GRID2: variants seen among roughly 807,000 people sequenced by gnomAD.
GRID2 encodes the protein glutamate ionotropic receptor delta type subunit 2.
Under a neutral mutation model 114.8 loss-of-function variants are expected in GRID2, and 33 were observed. That is an observed-to-expected ratio of 0.29 (90% CI 0.22 to 0.38). GRID2 has a LOEUF of 0.38. Among genes scored for constraint, GRID2 ranks in the 10% least tolerant of loss-of-function variants. The pLI is 1.00. For synonymous variants in GRID2, 505 were observed against 449.9 expected (o/e 1.12, Z -1.55); for missense variants, 1,184 against 1,257.7 (o/e 0.94, Z 0.89).
chr4:93,039,973 C>T (rs960657267), intron 2 of GRID2, among the ~76,000 whole-genome samples: 1 of 152,144 alleles, frequency 6.6e-6, no homozygotes, highest in African/African-American at 2.4e-5. Context: ...GCTTCTTTCT[C>T]TGGATTGTTT....
intron 2 of GRID2, among the ~76,000 whole-genome samples, chr4:92,924,648 C>T (rs1749667124): frequency 6.6e-6 from 1 of 152,122 alleles, no homozygotes; most frequent in Non-Finnish European, 1.5e-5. Flanking sequence ...TTTCTAGTTA[C>T]ATTCACTGCA....
At chr4:92,804,614 G>C (rs953152706) in intron 2 of GRID2, among the ~76,000 whole-genome samples, 1 of 151,952 alleles carries the variant, frequency 6.6e-6, no homozygotes, top group South Asian at 2.1e-4. Context: ...TTGTTTTCTT[G>C]ATTAGTATTC....
chr4:92,306,410 T>A (rs1224731930), intron 1 of GRID2, among the ~76,000 whole-genome samples: 3 of 152,184 alleles, frequency 2.0e-5, no homozygotes, highest in African/African-American at 4.8e-5. Flanking sequence ...GGTTCAGCAA[T>A]GTTCTGATAG....
intron 2 of GRID2, among the ~76,000 whole-genome samples, chr4:92,967,353 C>G (rs1322565448): frequency 6.6e-6 from 1 of 152,060 alleles, no homozygotes; most frequent in African/African-American, 2.4e-5. Context: ...CGATGCTTCA[C>G]AGTAAAATTC....
intron 2 of GRID2, among the ~76,000 whole-genome samples, chr4:92,771,895 A>C (rs1235809123): frequency 1.3e-5 from 2 of 152,140 alleles, no homozygotes; most frequent in Non-Finnish European, 2.9e-5. Context: ...CACTGTCAGG[A>C]ATCATGTATG....
At position 93,471,698 on chromosome 4, in the gene GRID2, A is replaced by ATTTTTTTTTT. The variant is rs897411033; in HGVS notation, c.1858+15732_1858+15741dup. On this transcript the variant is annotated intron_variant, in intron 11 of 15. Transcript: ENST00000282020. Reference sequence around the variant, plus strand: ...ATTGTTATTTCTTCTCCTGAATTCAATTTTTTTTTTTTTTTTTGGAGACGG... The same window carrying ATTTTTTTTTT: ...ATTGTTATTTCTTCTCCTGAATTCAATTTTTTTTTTTTTTTTTTTTTTTTTTTGGAGACGG... Among the ~76,000 whole-genome samples the ATTTTTTTTTT allele has an allele frequency of 3.9e-4, 24 of 60,998 alleles. 3 individuals carry two copies. The highest frequency in any genetic ancestry group is 1.1e-3 in the South Asian group (2 of 1,892). The allele number at this position is 60,998 out of a possible 152,430, so 40.0% of individuals were successfully genotyped here. A position where few individuals can be genotyped will look rare whatever the true frequency, so the allele number is the denominator to read the frequency against.
intron 2 of GRID2, among the ~76,000 whole-genome samples, chr4:92,912,755 T>C (rs1035958672): frequency 1.3e-5 from 2 of 151,882 alleles, no homozygotes; most frequent in Non-Finnish European, 3.0e-5. Flanking sequence ...TCTTTAAGAA[T>C]TGTGAATATA....
chr4:93,677,009 A>C (rs1179255906), intron 14 of GRID2, among the ~76,000 whole-genome samples: 1 of 34,712 alleles, frequency 2.9e-5, no homozygotes, highest in Non-Finnish European at 4.8e-5. Context: ...GGGGTCAGGG[A>C]ATTCCCTTTC....
intron 9 of GRID2, among the ~76,000 whole-genome samples, chr4:93,406,853 G>T (rs545428736): frequency 1.3e-5 from 2 of 152,182 alleles, no homozygotes; most frequent in East Asian, 3.9e-4. Flanking sequence ...AGCTCCAAGA[G>T]CATGTTGATG....
At chr4:93,395,488 A>G (rs1765240107) in intron 8 of GRID2, 119 bp from the exon 9 acceptor site, 1 of 555,802 alleles carries the variant, frequency 1.8e-6, no homozygotes, top group South Asian at 2.7e-5. Context: ...AAACCTGTGC[A>G]GTACTCTTTC....
chr4:93,137,420 G>C (rs1344198906), intron 4 of GRID2, among the ~76,000 whole-genome samples: 1 of 152,092 alleles, frequency 6.6e-6, no homozygotes, highest in Non-Finnish European at 1.5e-5. Context: ...ACTGCTGCTT[G>C]AGATGACACA....
intron 13 of GRID2, among the ~76,000 whole-genome samples, chr4:93,595,214 G>A (rs555262373): frequency 4.6e-5 from 7 of 152,220 alleles, no homozygotes; most frequent in South Asian, 4.1e-4. Context: ...CTTCAATGTC[G>A]ATTGTTCATG....
At chr4:92,451,314 A>G (rs1720911226) in intron 1 of GRID2, among the ~76,000 whole-genome samples, 1 of 152,204 alleles carries the variant, frequency 6.6e-6, no homozygotes, top group Non-Finnish European at 1.5e-5. Flanking sequence ...TATTAATTAA[A>G]TCATCATAAT....
chr4:93,798,050 G>A (rs975778355), intron 1 of GRID2, among the ~76,000 whole-genome samples: 2 of 152,108 alleles, frequency 1.3e-5, no homozygotes, highest in Non-Finnish European at 2.9e-5. Context: ...CTACTTGGGA[G>A]GCTGAGGCAG....
At chr4:92,875,325 G>A (rs2149450498) in intron 2 of GRID2, among the ~76,000 whole-genome samples, 1 of 151,776 alleles carries the variant, frequency 6.6e-6, no homozygotes, top group East Asian at 1.9e-4. Flanking sequence ...CACCACACCC[G>A]GCTAATTTTT....
chr4:92,466,213 ATTTAC>A (rs1304709482), intron 1 of GRID2, among the ~76,000 whole-genome samples: 1 of 151,840 alleles, frequency 6.6e-6, no homozygotes, highest in Non-Finnish European at 1.5e-5. Flanking sequence ...AACATTTATA[ATTTAC>A]TTGTGTTGGG....
intron 1 of GRID2, among the ~76,000 whole-genome samples, chr4:92,438,412 A>G (rs913508493): frequency 6.6e-6 from 1 of 152,124 alleles, no homozygotes; most frequent in African/African-American, 2.4e-5. Flanking sequence ...TTGTGCTCCC[A>G]TAATCCCTGT....
intron 2 of GRID2, among the ~76,000 whole-genome samples, chr4:92,909,937 C>T (rs996199728): frequency 6.6e-6 from 1 of 152,058 alleles, no homozygotes; most frequent in Non-Finnish European, 1.5e-5. Context: ...TAGACACTTA[C>T]TTTACCTAGG....
intron 8 of GRID2, among the ~76,000 whole-genome samples, chr4:93,277,938 CA>C (rs1752230954): frequency 6.6e-6 from 1 of 151,776 alleles, no homozygotes; most frequent in Non-Finnish European, 1.5e-5. Context: ...TTTCTAAAGA[CA>C]CTATAAGACA....
Sources: gnomAD v4.1 joint callset for allele counts (sites outside exome capture counted in the v4.1 genomes callset) on GRCh38, gnomAD v4.1.1 for gene constraint, MANE v1.5 for transcripts, NCBI Gene and HGNC (gene_info 2026-07-23, HGNC 2026-07-21) for gene names.